DOCK3: variants seen among roughly 807,000 people sequenced by gnomAD.
The protein encoded by DOCK3 is dedicator of cytokinesis protein 3.
Under a neutral mutation model 265.6 loss-of-function variants are expected in DOCK3, and 60 were observed. The ratio of observed to expected loss-of-function variants is 0.23; its 90% confidence interval spans 0.18 to 0.28. The LOEUF (loss-of-function observed/expected upper bound fraction) is 0.28, where lower values mean the gene tolerates loss of function less well. DOCK3 is among the 10% of genes least tolerant of loss of function. The pLI is 1.00. For missense variants in DOCK3, 1,981 were observed against 2,594.3 expected (o/e 0.76, Z 5.14); for synonymous variants, 881 against 938.0 (o/e 0.94, Z 1.11).
chr3:51,157,532 C>T (rs1013538534), intron 10 of DOCK3, among the ~76,000 whole-genome samples: 19 of 152,194 alleles, frequency 1.2e-4, no homozygotes, highest in Non-Finnish European at 8.8e-5. Flanking sequence ...AGACATATGC[C>T]GCCATGCCTG....
intron 1 of DOCK3, among the ~76,000 whole-genome samples, chr3:50,714,624 A>C (rs113350084): frequency 3.0e-3 from 463 of 152,092 alleles, no homozygotes; most frequent in African/African-American, 0.01. Flanking sequence ...TAATTTTTAA[A>C]TTTTTTTGTA....
At chr3:51,141,979 T>A (rs2085086689) in intron 9 of DOCK3, among the ~76,000 whole-genome samples, 1 of 151,256 alleles carries the variant, frequency 6.6e-6, no homozygotes, top group African/African-American at 2.4e-5. Flanking sequence ...TTTTTTTTTT[T>A]ACTTTACTGT....
intron 4 of DOCK3, among the ~76,000 whole-genome samples, chr3:50,923,138 T>TAC (rs1304315494): frequency 3.9e-5 from 6 of 152,214 alleles, no homozygotes; most frequent in African/African-American, 7.2e-5. Flanking sequence ...CATATATATA[T>TAC]ACACCACAGT....
intron 14 of DOCK3, among the ~76,000 whole-genome samples, chr3:51,220,687 A>ATGTGTGTGTGTGTG (rs760900578): frequency 1.6e-4 from 11 of 67,588 alleles, no homozygotes; most frequent in Non-Finnish European, 2.5e-4. Context: ...ATATATATAT[A>ATGTGTGTGTGTGTG]TGTGTGTGTG....
intron 38 of DOCK3, among the ~76,000 whole-genome samples, chr3:51,344,396 G>A (rs562193583): frequency 2.6e-5 from 4 of 152,286 alleles, no homozygotes; most frequent in East Asian, 1.9e-4. Context: ...CAAGGTGGGC[G>A]GATCACTTGA....
intron 12 of DOCK3, among the ~76,000 whole-genome samples, chr3:51,176,430 A>G (rs1421398579): frequency 6.6e-6 from 1 of 151,318 alleles, no homozygotes; most frequent in Non-Finnish European, 1.5e-5. Context: ...GTTCTGGCTA[A>G]CATGGTGAAA....
intron 4 of DOCK3, among the ~76,000 whole-genome samples, chr3:50,910,558 G>A (rs1279913052): frequency 6.6e-6 from 1 of 152,092 alleles, no homozygotes; most frequent in Non-Finnish European, 1.5e-5. Flanking sequence ...ACTGGTGGTG[G>A]GGCTAGCCAC....
intron 5 of DOCK3, among the ~76,000 whole-genome samples, chr3:50,940,515 G>T (rs1351459224): frequency 6.6e-6 from 1 of 152,032 alleles, no homozygotes; most frequent in Non-Finnish European, 1.5e-5. Context: ...AACATTCCTG[G>T]CAGGATTCTT....
intron 32 of DOCK3, among the ~76,000 whole-genome samples, chr3:51,329,370 G>T (rs911299833): frequency 3.3e-5 from 5 of 152,048 alleles, no homozygotes; most frequent in African/African-American, 1.2e-4. Flanking sequence ...ACCTGGCACA[G>T]GTACCAATCA....
At chr3:51,296,545 C>T (rs1244162965) in intron 27 of DOCK3, among the ~76,000 whole-genome samples, 3 of 149,924 alleles carry the variant, frequency 2.0e-5, no homozygotes, top group African/African-American at 4.9e-5. Flanking sequence ...GGCGCGATCT[C>T]GGCTCACTGC....
At chr3:51,098,243 A>T (rs1337524566) in intron 9 of DOCK3, among the ~76,000 whole-genome samples, 1 of 152,140 alleles carries the variant, frequency 6.6e-6, no homozygotes, top group Non-Finnish European at 1.5e-5. Flanking sequence ...TTTTATTAGA[A>T]ATGGGGTTTC....
At chr3:50,706,495 A>G (rs1294706543) in intron 1 of DOCK3, among the ~76,000 whole-genome samples, 1 of 152,046 alleles carries the variant, frequency 6.6e-6, no homozygotes, top group African/African-American at 2.4e-5. Flanking sequence ...ATGTTATTCG[A>G]TGCTTTTTTC....
chr3:50,907,505 T>C (rs2049588918), intron 4 of DOCK3, among the ~76,000 whole-genome samples: 1 of 152,140 alleles, frequency 6.6e-6, no homozygotes, highest in Admixed American at 6.5e-5. Context: ...TACCATTATG[T>C]AATAGCCTTC....
chr3:50,985,264 C>T (rs145779949), intron 5 of DOCK3, among the ~76,000 whole-genome samples: 4 of 152,242 alleles, frequency 2.6e-5, no homozygotes, highest in African/African-American at 7.2e-5. Flanking sequence ...ATTTTGATTA[C>T]TATTAAAAGC....
chr3:51,257,227 T>C (rs1342722891), intron 22 of DOCK3, among the ~76,000 whole-genome samples: 1 of 152,228 alleles, frequency 6.6e-6, no homozygotes, highest in African/African-American at 2.4e-5. Context: ...TCGTCAGATT[T>C]CAGCTTATAA....
rs764307212 is a variant in DOCK3, at chr3:51,064,538, C to G, written c.406C>G (p.Gln136Glu). The change falls in exon 6 of 53, where the codon CAG becomes GAG. Residue 136 changes from glutamine to glutamate, a missense_variant. This residue lies in a region of DOCK3 where 456 missense variants were observed against 539.0 expected (regional missense o/e 0.85). Transcript: ENST00000266037. ...GCAGCTACTGTCTGGTCACCTGACT[C>G]AGGATCAGGTGCGGGAGGTTAAGCG... Reference protein sequence around the residue: ...RRQLLSGHLTQDQVREVKRHI... With the variant: ...RRQLLSGHLTEDQVREVKRHI... The G allele has an allele frequency of 8.7e-6, 14 of 1,613,854 alleles. No homozygotes were observed. Among genetic ancestry groups the G allele is most frequent in the Middle Eastern group, 3.3e-4 (2 of 6,084 alleles).
chr3:51,283,204 T>C (rs1052983975), intron 27 of DOCK3, among the ~76,000 whole-genome samples: 4 of 151,982 alleles, frequency 2.6e-5, no homozygotes, highest in African/African-American at 9.7e-5. Context: ...AACATCCACA[T>C]TGAATGGGTA....
intron 5 of DOCK3, among the ~76,000 whole-genome samples, chr3:51,054,907 G>A (rs2081143532): frequency 1.3e-5 from 2 of 151,914 alleles, no homozygotes; most frequent in Non-Finnish European, 2.9e-5. Context: ...TTGTCATTGT[G>A]TCTGTTTCCT....
intron 10 of DOCK3, among the ~76,000 whole-genome samples, chr3:51,153,631 A>ATATTCGGCTC (rs1164096612): frequency 2.0e-5 from 3 of 152,168 alleles, no homozygotes; most frequent in Non-Finnish European, 2.9e-5. Flanking sequence ...CTATTCGGCT[A>ATATTCGGCTC]TCTTGGAACA....
Sources: gnomAD v4.1 joint callset for allele counts (sites outside exome capture counted in the v4.1 genomes callset) on GRCh38, gnomAD v4.1.1 for gene constraint, gnomAD v4.1.1 regional missense constraint, MANE v1.5 for transcripts, NCBI Gene and HGNC (gene_info 2026-07-23, HGNC 2026-07-21) for gene names.